Variants in RBFOX1 observed in about 807,000 individuals in gnomAD.
RBFOX1 encodes RNA binding protein fox-1 homolog 1.
A neutral mutation model predicts 57.7 loss-of-function variants in RBFOX1; 8 were observed. The ratio of observed to expected loss-of-function variants is 0.14; its 90% CI spans 0.08 to 0.25. The LOEUF is 0.25. Among genes scored for constraint, RBFOX1 ranks in the 10% least tolerant of loss-of-function variants. The pLI, the probability that RBFOX1 is intolerant of heterozygous loss-of-function variation, is 1.00. For missense variants in RBFOX1, 611 were observed against 548.5 expected (o/e 1.11, Z -1.14); for synonymous variants, 326 against 222.4 (o/e 1.47, Z -4.15).
At chr16:6,605,254 T>G (rs2097910379) in intron 2 of RBFOX1, among the ~76,000 whole-genome samples, 1 of 134,946 alleles carries the variant, frequency 7.4e-6, no homozygotes, top group Non-Finnish European at 1.6e-5. Flanking sequence ...TAATTTATAA[T>G]GAAACCAACA....
intron 2 of RBFOX1, among the ~76,000 whole-genome samples, chr16:5,488,645 G>GGGA (rs1555448343): frequency 7.8e-6 from 1 of 127,510 alleles, no homozygotes. Context: ...AGTGATGATG[G>GGGA]TGATGATGAT....
chr16:7,426,813 G>A (rs2098620395), intron 4 of RBFOX1, among the ~76,000 whole-genome samples: 1 of 152,202 alleles, frequency 6.6e-6, no homozygotes, highest in East Asian at 1.9e-4. Flanking sequence ...AGAGAGGCAA[G>A]GCAGGCTGTC....
intron 5 of RBFOX1, among the ~76,000 whole-genome samples, chr16:7,533,260 A>G (rs1484065695): frequency 1.3e-5 from 2 of 152,246 alleles, no homozygotes; most frequent in South Asian, 4.1e-4. Context: ...AATTCTTTCC[A>G]TCAAACTGGA....
intron 2 of RBFOX1, among the ~76,000 whole-genome samples, chr16:6,532,630 T>C (rs2096674595): frequency 1.3e-5 from 2 of 152,122 alleles, no homozygotes; most frequent in South Asian, 2.1e-4. Flanking sequence ...CTGGTGATCG[T>C]CTCTTCTCGA....
At chr16:5,941,544 G>T (rs1211550927) in intron 4 of RBFOX1, among the ~76,000 whole-genome samples, 1 of 151,852 alleles carries the variant, frequency 6.6e-6, no homozygotes, top group Non-Finnish European at 1.5e-5. Context: ...ATTTACTGAG[G>T]GTCCCATGAG....
intron 12 of RBFOX1, among the ~76,000 whole-genome samples, chr16:7,661,671 T>G (rs2067775226): frequency 6.6e-6 from 1 of 152,226 alleles, no homozygotes; most frequent in Non-Finnish European, 1.5e-5. Flanking sequence ...GCAGGGTTAC[T>G]GAGGGGGCTT....
chr16:6,144,764 T>C (rs527993405), intron 1 of RBFOX1, among the ~76,000 whole-genome samples: 1 of 152,340 alleles, frequency 6.6e-6, no homozygotes, highest in African/African-American at 2.4e-5. Flanking sequence ...CTCTGAGCAA[T>C]AGCCACATAA....
intron 4 of RBFOX1, among the ~76,000 whole-genome samples, chr16:7,275,104 T>C (rs543200528): frequency 6.6e-5 from 10 of 152,260 alleles, no homozygotes; most frequent in African/African-American, 2.4e-4. Flanking sequence ...TTCTTGTCCA[T>C]CTGTCTCTGA....
chr16:6,514,294 T>A (rs2096323780), intron 2 of RBFOX1, among the ~76,000 whole-genome samples: 1 of 152,140 alleles, frequency 6.6e-6, no homozygotes, highest in African/African-American at 2.4e-5. Context: ...CTTACCATAT[T>A]CATCTGAATC....
In RBFOX1 at chr16:6,904,437, C is replaced by T. The variant is rs182333265; in HGVS notation, c.-15-147620C>T. 1.9e-3 allele frequency among the ~76,000 whole-genome samples: 295 copies of T among 151,608 alleles called. 1 individual carries two copies. Among genetic ancestry groups the T allele is most frequent in the African/African-American group, 6.9e-3 (286 of 41,342 alleles). ...CCAACATGGTGAATCCTCCTGTCCA[C>T]TGAAAGTACAAAAATGAGCTAGGTG... On this transcript the variant is annotated intron_variant, in intron 3 of 15. Coordinates refer to ENST00000550418, the MANE Select transcript of RBFOX1 (RefSeq NM_018723.4).
At chr16:5,384,118 T>C (rs1409814045) in intron 1 of RBFOX1, among the ~76,000 whole-genome samples, 1 of 152,202 alleles carries the variant, frequency 6.6e-6, no homozygotes, top group Non-Finnish European at 1.5e-5. Flanking sequence ...GGGTTCTGTC[T>C]TACTGGCTTT....
At chr16:6,943,093 C>T (rs1054098033) in intron 3 of RBFOX1, among the ~76,000 whole-genome samples, 1 of 152,108 alleles carries the variant, frequency 6.6e-6, no homozygotes, top group South Asian at 2.1e-4. Context: ...GAGCAGGTCC[C>T]CAGGAGGGAG....
chr16:6,406,729 C>A (rs1407633235), intron 2 of RBFOX1, among the ~76,000 whole-genome samples: 2 of 152,098 alleles, frequency 1.3e-5, no homozygotes, highest in Non-Finnish European at 2.9e-5. Context: ...GGACCCCCAT[C>A]ATGGCAAGCA....
intron 4 of RBFOX1, among the ~76,000 whole-genome samples, chr16:6,009,204 C>G (rs142790769): frequency 6.6e-6 from 1 of 152,096 alleles, no homozygotes; most frequent in Non-Finnish European, 1.5e-5. Flanking sequence ...GGATGACTGC[C>G]ACTTCGTGGT....
intron 3 of RBFOX1, among the ~76,000 whole-genome samples, chr16:6,959,684 C>T (rs1202795373): frequency 6.6e-6 from 1 of 152,100 alleles, no homozygotes; most frequent in African/African-American, 2.4e-5. Context: ...CATCTGTAAT[C>T]TCTAAACTTG....
chr16:6,924,734 G>T (rs1355386225), intron 3 of RBFOX1, among the ~76,000 whole-genome samples: 1 of 151,510 alleles, frequency 6.6e-6, no homozygotes, highest in Non-Finnish European at 1.5e-5. Flanking sequence ...ACAACGTGCA[G>T]GTTTGTTACA....
intron 1 of RBFOX1, among the ~76,000 whole-genome samples, chr16:5,285,450 C>G (rs1392843220): frequency 1.3e-5 from 2 of 152,118 alleles, no homozygotes; most frequent in Non-Finnish European, 2.9e-5. Flanking sequence ...TCAGGCATTT[C>G]ATAGATTTTC....
intron 1 of RBFOX1, among the ~76,000 whole-genome samples, chr16:6,316,044 T>A (rs924444452): frequency 1.3e-5 from 2 of 152,190 alleles, no homozygotes; most frequent in Non-Finnish European, 2.9e-5. Context: ...CTTTGTTGAG[T>A]CTTGGCGTAA....
chr16:7,585,958 C>G (rs2094099326), intron 6 of RBFOX1, among the ~76,000 whole-genome samples: 1 of 152,012 alleles, frequency 6.6e-6, no homozygotes, highest in Admixed American at 6.6e-5. Flanking sequence ...CACACAGAAG[C>G]ACGCGTAATG....
Sources: gnomAD v4.1 joint callset for allele counts (sites outside exome capture counted in the v4.1 genomes callset) on GRCh38, gnomAD v4.1.1 for gene constraint, MANE v1.5 for transcripts, NCBI Gene and HGNC (gene_info 2026-07-23, HGNC 2026-07-21) for gene names.